Variants in RSRC1 observed in about 807,000 individuals in gnomAD.
RSRC1 encodes arginine and serine rich coiled-coil 1.
In RSRC1, 39 loss-of-function variants were observed where a neutral mutation model predicts 49.1. That is an observed-to-expected ratio of 0.79 (90% CI 0.61 to 1.04). The LOEUF (loss-of-function observed/expected upper bound fraction) is 1.04, where lower values mean the gene tolerates loss of function less well. Ranked by LOEUF, RSRC1 falls within the 50% of genes least tolerant of loss-of-function variation. The pLI, the probability that RSRC1 is intolerant of heterozygous loss-of-function variation, is 0.00. For missense variants in RSRC1, 388 were observed against 402.4 expected, an observed-to-expected ratio of 0.96 and a Z score of 0.31; for synonymous variants, 143 against 130.8, an observed-to-expected ratio of 1.09 and a Z score of -0.63.
rs138590028 is a variant in RSRC1, at chr3:158,286,954, G to A, written c.495-11085G>A. Among the ~76,000 whole-genome samples, 764 of 152,240 alleles carry A rather than the reference G, an allele frequency of 5.0e-3. 5 individuals are homozygous for A. The highest frequency in any genetic ancestry group is 0.018 in the African/African-American group (729 of 41,556). Reference sequence around the variant, plus strand: ...TGATTCTCCTGCCTCAGCCTTCCGAGTATCTGGGACTACAGCTGCGTGCCA... The same window carrying A: ...TGATTCTCCTGCCTCAGCCTTCCGAATATCTGGGACTACAGCTGCGTGCCA... On this transcript the variant is annotated intron_variant, in intron 4 of 9. Coordinates refer to ENST00000611884, the MANE Select transcript of RSRC1 (RefSeq NM_001271838.2).
intron 7 of RSRC1, among the ~76,000 whole-genome samples, chr3:158,480,284 T>C (rs1489712517): frequency 6.6e-6 from 1 of 152,046 alleles, no homozygotes; most frequent in Non-Finnish European, 1.5e-5. Flanking sequence ...TTATTTTGGA[T>C]TTTTTTAAAA....
intron 5 of RSRC1, among the ~76,000 whole-genome samples, chr3:158,312,550 G>C (rs1008510300): frequency 1.3e-5 from 2 of 152,132 alleles, no homozygotes; most frequent in African/African-American, 2.4e-5. Context: ...TTTTTAGAAG[G>C]AAAAGTGCAG....
At chr3:158,174,966 A>C (rs879654437) in intron 3 of RSRC1, among the ~76,000 whole-genome samples, 1 of 152,086 alleles carries the variant, frequency 6.6e-6, no homozygotes, top group African/African-American at 2.4e-5. Flanking sequence ...TGTGCTCTAC[A>C]TCCCTGCCAA....
rs1247878017 is a variant in RSRC1 at position 158,539,615 on chromosome 3, G to T, written c.759+2417G>T. ...TAATTTTTACAAACTAAACCACCAG[G>T]TGGCAGCGCTACTCAAAGCCATATA... On this transcript the variant is annotated intron_variant, in intron 8 of 9. Transcript: ENST00000611884. The surrounding 1 kb of genome is among the most constrained non-coding windows in gnomAD (Gnocchi z 4.1). 1.3e-5 allele frequency among the ~76,000 whole-genome samples: 2 copies of T among 152,008 alleles called. No individual in the cohort carries two copies. The highest frequency in any genetic ancestry group is 2.9e-5 in the Non-Finnish European group (2 of 67,982).
At chr3:158,476,388 A>G (rs530944304) in intron 7 of RSRC1, among the ~76,000 whole-genome samples, 1 of 152,328 alleles carries the variant, frequency 6.6e-6, no homozygotes, top group African/African-American at 2.4e-5. Context: ...AATGCCATCT[A>G]GGATTGTCAT....
rs1263676288 is a variant in RSRC1 at position 158,543,374 on chromosome 3, T to C, written c.799T>C (p.Ser267Pro). ...PSEVKQATST[S>P]GPASAVADPP... ...TGAAGTGAAACAAGCAACTTCAACATCAGGACCAGCATCAGCAGTTGCTGA... is the reference window on the plus strand; with the variant it reads ...TGAAGTGAAACAAGCAACTTCAACACCAGGACCAGCATCAGCAGTTGCTGA... Residue 267 changes from serine (S) to proline (P), a missense_variant, in exon 9 of 10, where the codon TCA becomes CCA. Ser to Pro is a moderately conservative substitution (Grantham distance 74). Transcript: ENST00000611884. 9.4e-6 allele frequency: 15 copies of C among 1,596,164 alleles called. No individual in the cohort carries two copies. The highest frequency in any genetic ancestry group is 3.3e-4 in the Middle Eastern group (2 of 6,036).
intron 3 of RSRC1, among the ~76,000 whole-genome samples, chr3:158,147,979 A>G (rs375451537): frequency 6.6e-6 from 1 of 152,216 alleles, no homozygotes; most frequent in African/African-American, 2.4e-5. Flanking sequence ...AAAATTTTCT[A>G]AACTCTTATT....
intron 4 of RSRC1, among the ~76,000 whole-genome samples, chr3:158,223,556 C>A (rs1722341980): frequency 6.7e-6 from 1 of 149,844 alleles, no homozygotes; most frequent in Admixed American, 6.7e-5. Flanking sequence ...AGCCCGTCAT[C>A]ATTTTGCCAC....
At chr3:158,137,926 A>G (rs1716506352) in intron 3 of RSRC1, among the ~76,000 whole-genome samples, 1 of 152,114 alleles carries the variant, frequency 6.6e-6, no homozygotes, top group South Asian at 2.1e-4. Context: ...CAGCCTCCCA[A>G]AATGCTGATT....
chr3:158,534,155 G>T (rs991427621), intron 7 of RSRC1, among the ~76,000 whole-genome samples: 31 of 151,576 alleles, frequency 2.0e-4, no homozygotes, highest in Non-Finnish European at 1.5e-4. Flanking sequence ...GGTTTCAGCT[G>T]TCAGGGACAC....
intron 6 of RSRC1, among the ~76,000 whole-genome samples, chr3:158,392,183 A>G (rs1216517867): frequency 4.6e-5 from 7 of 152,148 alleles, no homozygotes; most frequent in Non-Finnish European, 1.0e-4. Context: ...GCAATTTTAC[A>G]TGTAATAGAT....
intron 3 of RSRC1, among the ~76,000 whole-genome samples, chr3:158,183,055 C>T (rs1254550976): frequency 1.3e-5 from 2 of 151,920 alleles, no homozygotes; most frequent in East Asian, 3.9e-4. Flanking sequence ...TCACTCCTTC[C>T]AATATTTCCC....
intron 6 of RSRC1, among the ~76,000 whole-genome samples, chr3:158,423,397 T>A (rs372364692): frequency 2.9e-4 from 44 of 151,866 alleles, no homozygotes; most frequent in Admixed American, 7.2e-4. Context: ...AGATATGCGG[T>A]GTTATTTCTG....
At chr3:158,257,235 C>T (rs1724617265) in intron 4 of RSRC1, among the ~76,000 whole-genome samples, 1 of 152,186 alleles carries the variant, frequency 6.6e-6, no homozygotes, top group African/African-American at 2.4e-5. Context: ...CCTCTACACA[C>T]TGCTTTCAAT....
At chr3:158,515,868 C>G (rs1017378056) in intron 7 of RSRC1, among the ~76,000 whole-genome samples, 1 of 152,062 alleles carries the variant, frequency 6.6e-6, no homozygotes, top group Admixed American at 6.6e-5. Context: ...ATCGCTGATA[C>G]CCTTTCTTCC....
chr3:158,515,802 T>C (rs1440589629), intron 7 of RSRC1, among the ~76,000 whole-genome samples: 1 of 152,052 alleles, frequency 6.6e-6, no homozygotes, highest in African/African-American at 2.4e-5. Flanking sequence ...TCGTTTCTTT[T>C]TATTCTTTTT....
At chr3:158,367,156 G>C (rs1183504235) in intron 6 of RSRC1, among the ~76,000 whole-genome samples, 5 of 152,102 alleles carry the variant, frequency 3.3e-5, no homozygotes, top group African/African-American at 1.2e-4. Flanking sequence ...GCCCTGGCCA[G>C]ACCTTCCAAT....
chr3:158,289,038 A>G (rs753356263), intron 4 of RSRC1, among the ~76,000 whole-genome samples: 2 of 152,024 alleles, frequency 1.3e-5, no homozygotes, highest in Non-Finnish European at 2.9e-5. Flanking sequence ...CTCAGAATTT[A>G]TCATGGAGCT....
chr3:158,342,062 G>T (rs1202131601), intron 5 of RSRC1, among the ~76,000 whole-genome samples: 1 of 152,164 alleles, frequency 6.6e-6, no homozygotes, highest in Admixed American at 6.6e-5. Context: ...TTGTATCTGG[G>T]AAGTAACTAG....
Sources: allele counts gnomAD v4.1 joint callset (sites outside exome capture counted in the v4.1 genomes callset), GRCh38; gene constraint gnomAD v4.1.1; non-coding constraint Gnocchi (gnomAD v3.1); transcripts MANE v1.5; gene names NCBI Gene and HGNC (gene_info 2026-07-23, HGNC 2026-07-21).